The following GARIN1B variants were observed in gnomAD, a reference collection of about 807,000 sequenced individuals.
GARIN1B encodes Golgi-associated RAB2 interactor protein 1B.
At chr7:128,710,518 CCCCAGCTTTATTGTATGATATTTAT>C in the GARIN1B span, among the ~76,000 whole-genome samples, 180 of 152,268 alleles carry the variant, frequency 1.2e-3, no homozygotes, top group Non-Finnish European at 1.8e-3. Context: ...TCATCTCTCT[CCCCAGCTTTATTGTATGATATTTAT>C]CCCAGCTTTA....
At chr7:128,718,853 G>C in the GARIN1B span, 2 of 1,614,072 alleles carry the variant, frequency 1.2e-6, no homozygotes, top group Non-Finnish European at 1.7e-6. Context: ...GAGGTTTGTG[G>C]AGCTCCAGGT....
At chr7:128,714,019 A>G in the GARIN1B span, 1 of 1,534,018 alleles carries the variant, frequency 6.5e-7, no homozygotes, top group South Asian at 1.2e-5. Context: ...GGTAAACAAA[A>G]GATAATGAGA....
chr7:128,715,291 T>A, the GARIN1B span: 1 of 1,452,998 alleles, frequency 6.9e-7, no homozygotes, highest in Admixed American at 2.8e-5. Flanking sequence ...CACTTCCCCT[T>A]CCTGCAGGTC....
At chr7:128,721,748 T>C in the GARIN1B span, among the ~76,000 whole-genome samples, 2 of 152,356 alleles carry the variant, frequency 1.3e-5, no homozygotes, top group South Asian at 4.1e-4. Context: ...CTTAATCTGA[T>C]TGAGGACATT....
the GARIN1B span, among the ~76,000 whole-genome samples, chr7:128,726,149 G>T: frequency 6.6e-6 from 1 of 152,240 alleles, no homozygotes; most frequent in Non-Finnish European, 1.5e-5. Context: ...TAGACTTCCA[G>T]TATCATGGGA....
chr7:128,709,907 A>G, the GARIN1B span, among the ~76,000 whole-genome samples: 2 of 151,876 alleles, frequency 1.3e-5, no homozygotes, highest in South Asian at 2.1e-4. Context: ...GTGTGCCACC[A>G]CGCCCGGCTA....
the GARIN1B span, chr7:128,713,856 T>A: frequency 1.3e-6 from 1 of 753,494 alleles, no homozygotes. Flanking sequence ...GGTTAAGCTT[T>A]AACTGTGAAC....
At chr7:128,724,720 A>T in the GARIN1B span, 4 of 1,289,256 alleles carry the variant, frequency 3.1e-6, no homozygotes, top group Admixed American at 6.9e-5. Flanking sequence ...AGCAAATGTC[A>T]CCAGGAGAGA....
chr7:128,712,630 C>A, the GARIN1B span, among the ~76,000 whole-genome samples: 2 of 152,228 alleles, frequency 1.3e-5, no homozygotes, highest in Non-Finnish European at 2.9e-5. Context: ...GCCAAAGTGG[C>A]TTTAGCCTCA....
the GARIN1B span, among the ~76,000 whole-genome samples, chr7:128,712,073 C>T: frequency 6.6e-6 from 1 of 152,080 alleles, no homozygotes; most frequent in African/African-American, 2.4e-5. Context: ...AAAAACCTTG[C>T]TGTATTTTCC....
chr7:128,727,005 A>T, the GARIN1B span: 2 of 758,068 alleles, frequency 2.6e-6, no homozygotes, highest in South Asian at 3.6e-5. Context: ...CCTTAGTTTG[A>T]ATTCCTTTAG....
At chr7:128,723,542 C>A in the GARIN1B span, 1 of 283,292 alleles carries the variant, frequency 3.5e-6, no homozygotes. Flanking sequence ...TACTGCCACT[C>A]ACTATCCAGT....
chr7:128,711,654 T>TAC, the GARIN1B span, among the ~76,000 whole-genome samples: 1,872 of 107,876 alleles, frequency 0.017, 28 homozygotes, highest in East Asian at 0.076. Flanking sequence ...ATTTTGGTTT[T>TAC]ACAGACACAC....
chr7:128,726,524 AAAAT>A, the GARIN1B span, among the ~76,000 whole-genome samples: 2 of 152,192 alleles, frequency 1.3e-5, no homozygotes, highest in Non-Finnish European at 2.9e-5. Flanking sequence ...AACAGCAAAT[AAAAT>A]AAATAGCTGA....
At chr7:128,711,457 T>C in the GARIN1B span, among the ~76,000 whole-genome samples, 1 of 152,002 alleles carries the variant, frequency 6.6e-6, no homozygotes, top group South Asian at 2.1e-4. Flanking sequence ...GGGAACATGC[T>C]TGGTCCTGTA....
the GARIN1B span, chr7:128,717,134 T>A: frequency 1.2e-6 from 1 of 802,244 alleles, no homozygotes; most frequent in Non-Finnish European, 1.9e-6. Flanking sequence ...CAACAGAGTA[T>A]CCTAAGACAG....
chr7:128,718,310 TA>T, the GARIN1B span, among the ~76,000 whole-genome samples: 14 of 151,890 alleles, frequency 9.2e-5, no homozygotes, highest in Non-Finnish European at 2.1e-4. Context: ...CACATGCCTG[TA>T]ATCCCAGCTA....
At chr7:128,716,292 A>G in the GARIN1B span, among the ~76,000 whole-genome samples, 1 of 152,182 alleles carries the variant, frequency 6.6e-6, no homozygotes, top group African/African-American at 2.4e-5. Context: ...GAGAATGAAC[A>G]GCACTTTGGA....
At chr7:128,725,356 TCC>T in the GARIN1B span, among the ~76,000 whole-genome samples, 4 of 150,950 alleles carry the variant, frequency 2.6e-5, no homozygotes, top group South Asian at 8.6e-4. Context: ...CTTCCTTCCT[TCC>T]TTCCTTCCTT....
Sources: allele counts gnomAD v4.1 joint callset (sites outside exome capture counted in the v4.1 genomes callset), GRCh38; gene constraint gnomAD v4.1.1; transcripts MANE v1.5; gene names NCBI Gene and HGNC (gene_info 2026-07-23, HGNC 2026-07-21).